Variants in TMEM267 observed in about 807,000 individuals in gnomAD.
TMEM267 encodes transmembrane protein 267.
A neutral mutation model predicts 19.3 loss-of-function variants in TMEM267; 20 were observed. That is an observed-to-expected ratio of 1.04 (90% CI 0.73 to 1.51). The LOEUF is 1.51. TMEM267 is among the 40% of genes most tolerant of loss of function. The probability of loss-of-function intolerance (pLI) is 0.00; values close to 1 mark genes in which losing one functional copy is unlikely to be tolerated. For synonymous variants in TMEM267, 88 were observed against 90.3 expected (o/e 0.97, Z 0.15); for missense variants, 242 against 261.9 (o/e 0.92, Z 0.52).
At chr5:43,479,769 T>C in intron 1 of TMEM267, 1 of 333,496 alleles carries the variant, frequency 3.0e-6, no homozygotes, top group Non-Finnish European at 5.7e-6. Flanking sequence ...ATAATGAAAA[T>C]TGTTCTCTAA....
chr5:43,482,359 CT>C (rs1173765030), intron 1 of TMEM267, among the ~76,000 whole-genome samples: 1 of 152,190 alleles, frequency 6.6e-6, no homozygotes, highest in African/African-American at 2.4e-5. Flanking sequence ...AGTGTTCTTC[CT>C]GTATTACTTA....
At position 43,454,801 on chromosome 5, in the gene TMEM267, C is replaced by A. The variant is rs1169712440; in HGVS notation, c.-74-758G>T. Reference sequence around the variant, plus strand: ...ATTTCTGATGCCTTGAACCAAATAACCTTAATTGATATAAAAATGCAATCA... The same window carrying A: ...ATTTCTGATGCCTTGAACCAAATAAACTTAATTGATATAAAAATGCAATCA... On this transcript the variant is annotated intron_variant, in intron 1 of 2. Coordinates refer to ENST00000397080, the MANE Select transcript of TMEM267 (RefSeq NM_022483.5). Among the ~76,000 whole-genome samples the A allele has an allele frequency of 3.3e-5, 5 of 152,128 alleles. No individual in the cohort carries two copies. The East Asian group carries it at 7.7e-4, about 23-fold the overall frequency.
chr5:43,481,729 A>T (rs1744783747), intron 1 of TMEM267, among the ~76,000 whole-genome samples: 1 of 152,118 alleles, frequency 6.6e-6, no homozygotes, highest in Admixed American at 6.6e-5. Flanking sequence ...AACCCTTCAG[A>T]TGTCCGCAGC....
At chr5:43,478,482 A>T (rs1434237479) in intron 1 of TMEM267, among the ~76,000 whole-genome samples, 2 of 152,208 alleles carry the variant, frequency 1.3e-5, no homozygotes, top group African/African-American at 2.4e-5. Flanking sequence ...ATTTTAAAAA[A>T]TCTGATAGGA....
chr5:43,476,514 T>A lies in TMEM267; in HGVS notation c.-75+7308A>T, dbSNP rs1444322863. On this transcript the variant is annotated intron_variant, in intron 1 of 2. Coordinates refer to ENST00000397080, the MANE Select transcript of TMEM267 (RefSeq NM_022483.5). The stretch of plus-strand genomic sequence containing the variant: ...ACTGATACAAAAGCCAGACCTTTTT[T>A]TTTTTTTTTTTTTTTTTTTTTTTGC... Among the ~76,000 whole-genome samples, 1,079 of 141,430 alleles carry A rather than the reference T, an allele frequency of 7.6e-3. 12 individuals are homozygous for A. The highest frequency in any genetic ancestry group is 0.028 in the African/African-American group (1,025 of 37,224). The allele number at this position is 141,430 out of a possible 152,430, so 92.8% of individuals were successfully genotyped here.
intron 1 of TMEM267, among the ~76,000 whole-genome samples, chr5:43,456,007 TC>T (rs1742927961): frequency 6.6e-6 from 1 of 151,942 alleles, no homozygotes; most frequent in Non-Finnish European, 1.5e-5. Context: ...TTTTTTTTTT[TC>T]AAAGAGACAA....
At chr5:43,458,790 A>G (rs943599758) in intron 1 of TMEM267, among the ~76,000 whole-genome samples, 3 of 152,202 alleles carry the variant, frequency 2.0e-5, no homozygotes, top group African/African-American at 7.2e-5. Context: ...TGGAAATGAA[A>G]AAGTTGATTA....
At chr5:43,480,798 T>TTTTC (rs1491111759) in intron 1 of TMEM267, among the ~76,000 whole-genome samples, 15 of 32,616 alleles carry the variant, frequency 4.6e-4, no homozygotes, top group Non-Finnish European at 7.5e-4. Flanking sequence ...ATAATCTTAC[T>TTTTC]TTTTTTTTTT....
chr5:43,483,452 C>A (rs184580800), intron 1 of TMEM267, among the ~76,000 whole-genome samples: 121 of 152,314 alleles, frequency 7.9e-4, no homozygotes, highest in African/African-American at 2.9e-3. Context: ...CGGTTAAGGA[C>A]GGCAATGGGC....
rs552692531 is a variant in TMEM267 at position 43,472,516 on chromosome 5, A to G, written c.-75+11306T>C. On this transcript the variant is annotated intron_variant, in intron 1 of 2. Transcript: ENST00000397080. ...CTATGTTTGTTGCAGCATTGTTTAC[A>G]ATAGCTAAGATGTGGAAGCAACCTA... 8.1e-4 allele frequency among the ~76,000 whole-genome samples: 124 copies of G among 152,354 alleles called. No individual in the cohort carries two copies. In the Middle Eastern group the frequency reaches 0.017, roughly 21 times the overall value.
intron 1 of TMEM267, among the ~76,000 whole-genome samples, chr5:43,467,195 C>G (rs1377309304): frequency 6.9e-6 from 1 of 145,826 alleles, no homozygotes; most frequent in Non-Finnish European, 1.5e-5. Flanking sequence ...ATAAAACAAC[C>G]AAAAAATAAA....
chr5:43,457,113 TAC>T (rs1491586441), intron 1 of TMEM267, among the ~76,000 whole-genome samples: 2 of 152,158 alleles, frequency 1.3e-5, no homozygotes, highest in African/African-American at 2.4e-5. Flanking sequence ...AAACAAAAAT[TAC>T]ACAGTTAAAA....
At chr5:43,452,586 A>T (rs528197342) in intron 2 of TMEM267, among the ~76,000 whole-genome samples, 30 of 33,272 alleles carry the variant, frequency 9.0e-4, no homozygotes, top group African/African-American at 6.9e-3. Flanking sequence ...CTAAATCCAT[A>T]AAAAAAAAAA....
chr5:43,479,639 AAT>A (rs1489180854), intron 1 of TMEM267, among the ~76,000 whole-genome samples: 2 of 152,134 alleles, frequency 1.3e-5, no homozygotes, highest in Admixed American at 1.3e-4. Flanking sequence ...GTTATGTAAT[AAT>A]AGACACAAGA....
At chr5:43,475,311 T>C (rs1348529459) in intron 1 of TMEM267, among the ~76,000 whole-genome samples, 3 of 151,950 alleles carry the variant, frequency 2.0e-5, no homozygotes, top group African/African-American at 7.2e-5. Context: ...TAAGTGGAAG[T>C]TGAACAATGA....
At chr5:43,482,328 TAGAAAA>T (rs1744835476) in intron 1 of TMEM267, among the ~76,000 whole-genome samples, 1 of 152,234 alleles carries the variant, frequency 6.6e-6, no homozygotes, top group South Asian at 2.1e-4. Flanking sequence ...GTCTGAGTAT[TAGAAAA>T]AGAGAAATTT....
intron 1 of TMEM267, among the ~76,000 whole-genome samples, chr5:43,455,773 G>A (rs1243275891): frequency 3.9e-5 from 6 of 152,080 alleles, no homozygotes; most frequent in South Asian, 2.1e-4. Flanking sequence ...GGCTGGTTTC[G>A]AACTTCTGAC....
At chr5:43,465,038 A>C (rs1209190669) in intron 1 of TMEM267, among the ~76,000 whole-genome samples, 1 of 152,220 alleles carries the variant, frequency 6.6e-6, no homozygotes, top group Non-Finnish European at 1.5e-5. Context: ...AATGGGAGAA[A>C]ATTTTTGCAA....
chr5:43,482,636 C>G (rs989414713), intron 1 of TMEM267, among the ~76,000 whole-genome samples: 9 of 152,258 alleles, frequency 5.9e-5, no homozygotes, highest in African/African-American at 1.7e-4. Context: ...AGCCTATGAA[C>G]TAAAGATACT....
Sources: allele counts gnomAD v4.1 joint callset (sites outside exome capture counted in the v4.1 genomes callset), GRCh38; gene constraint gnomAD v4.1.1; transcripts MANE v1.5; gene names NCBI Gene and HGNC (gene_info 2026-07-23, HGNC 2026-07-21).